Variants in EIF2B5 observed in about 807,000 individuals in gnomAD.
EIF2B5 encodes the protein eukaryotic translation initiation factor 2B subunit epsilon, also known as translation initiation factor eIF2B subunit epsilon.
Under a neutral mutation model 87.3 loss-of-function variants are expected in EIF2B5, and 38 were observed. The ratio of observed to expected loss-of-function variants is 0.44; its 90% CI spans 0.34 to 0.57. EIF2B5 has a LOEUF of 0.57. Among genes scored for constraint, EIF2B5 ranks in the 20% least tolerant of loss-of-function variants. The pLI, the probability that EIF2B5 is intolerant of heterozygous loss-of-function variation, is 0.02. For missense variants in EIF2B5, 784 were observed against 909.5 expected (o/e 0.86, Z 1.78); for synonymous variants, 313 against 339.6 (o/e 0.92, Z 0.86).
Position 184,137,815 on chromosome 3 carries a change from G to C in EIF2B5, c.506+10G>C. The stretch of plus-strand genomic sequence containing the variant: ...CCCTTGAGGAACACAGGTCAGGATG[G>C]GAAAATGACAGGAACAAGGGTTAAA... On this transcript the variant is annotated intron_variant, in intron 3 of 15. Coordinates refer to ENST00000648915, the MANE Select transcript of EIF2B5 (RefSeq NM_003907.3). The C allele has an allele frequency of 6.2e-7, 1 of 1,614,148 alleles. No homozygotes were observed.
Position 184,137,974 on chromosome 3 carries a change from C to T in EIF2B5, c.583C>T (p.Arg195Cys), listed in dbSNP as rs113994055. Residue 195 changes from arginine (R) to cysteine (C), a missense_variant, in exon 4 of 16, where the codon CGT (arginine) becomes TGT (cysteine). Arg to Cys is a radical substitution (Grantham distance 180). Transcript: ENST00000648915. ...GGAGTCATCCCCCAGCCACCCAACTCGTTGCCACGAAGACAATGTGGTAGT... is the reference window on the plus strand; with the variant it reads ...GGAGTCATCCCCCAGCCACCCAACTTGTTGCCACGAAGACAATGTGGTAGT... ...FKESSPSHPT[R>C]CHEDNVVVAV... The T allele has an allele frequency of 5.0e-6, 8 of 1,614,090 alleles. No homozygotes were observed. Among genetic ancestry groups the T allele is most frequent in the East Asian group, 4.5e-5 (2 of 44,892 alleles).
rs1439602258 is a variant in EIF2B5, at chr3:184,135,554, T to C, written c.169T>C (p.Phe57Leu). ...LVADSFDRRF[F>L]PISKDQPRVL... ...GGCCGATAGCTTCGATCGCCGCTTC[T>C]TCCCCATCTCCAAGGACCAGCCTCG... The change falls in exon 1 of 16, where the codon TTC becomes CTC. Residue 57 changes from phenylalanine (F) to leucine (L), a missense_variant. Coordinates refer to ENST00000648915, the MANE Select transcript of EIF2B5 (RefSeq NM_003907.3). The C allele has an allele frequency of 6.3e-7, 1 of 1,591,126 alleles. No individual in the cohort carries two copies.
Position 184,142,306 on chromosome 3 carries a change from G to A in EIF2B5, c.1372G>A (p.Glu458Lys). 6.2e-7 allele frequency: 1 copy of A among 1,614,150 alleles called. No homozygotes were observed. The highest frequency in any genetic ancestry group is 8.5e-7 in the Non-Finnish European group (1 of 1,180,026). The change falls in exon 9 of 16, where the codon GAA becomes AAA. Residue 458 changes from glutamate to lysine, a missense_variant. Around this residue, in one of 3 missense-constraint regions of EIF2B5, gnomAD observed 660 missense variants for 789.5 expected, o/e 0.84. Coordinates refer to ENST00000648915, the MANE Select transcript of EIF2B5 (RefSeq NM_003907.3). The surrounding 1 kb of genome is among the most constrained non-coding windows in gnomAD (Gnocchi z 5.0). ...VISLHPPDAE[E>K]DEDDGEFSDD... The stretch of plus-strand genomic sequence containing the variant: ...CTCTTTGCACCCTCCAGATGCAGAG[G>A]AAGATGAAGATGATGGCGAGTTCAG...
In EIF2B5 at chr3:184,140,445, G is replaced by A. The variant is rs781216603; in HGVS notation, c.871G>A (p.Val291Ile). 7.4e-6 allele frequency: 12 copies of A among 1,614,018 alleles called. No homozygotes were observed. The highest frequency in any genetic ancestry group is 1.6e-4 in the Middle Eastern group (1 of 6,062). ...EILGNQIHMH[V>I]TAKEYGARVS... Reference sequence around the variant, plus strand: ...CCTAGGGAACCAGATCCACATGCACGTAACAGCTAAGGAATATGGTGCCCG... The same window carrying A: ...CCTAGGGAACCAGATCCACATGCACATAACAGCTAAGGAATATGGTGCCCG... The change falls in exon 7 of 16, where the codon GTA becomes ATA. Residue 291 changes from valine to isoleucine, a missense_variant. Physicochemically the swap from Val to Ile is conservative, Grantham distance 29 (BLOSUM62 3). Coordinates refer to ENST00000648915, the MANE Select transcript of EIF2B5 (RefSeq NM_003907.3).
In EIF2B5 at chr3:184,140,073, TC is replaced by T; in HGVS notation, c.766-5del. ...TAATTCTAGCCCACTCCACTTCCCT[TC>T]CACAGGTGGCACAACTCTTTACAGA... On this transcript the variant is annotated splice_region_variant and splice_polypyrimidine_tract_variant and intron_variant, in intron 5 of 15. Coordinates refer to ENST00000648915, the MANE Select transcript of EIF2B5 (RefSeq NM_003907.3). 1 of 1,611,536 alleles carries T rather than the reference TC, an allele frequency of 6.2e-7. No individual in the cohort carries two copies.
At position 184,141,971 on chromosome 3, in the gene EIF2B5, A is replaced by G. The variant is rs765211115; in HGVS notation, c.1203A>G (p.Arg401=). ...AGACCTACCTGTGGCAGGGTGTTCG[A>G]GTGGCGGCTGGAGCACAGATCCATC... The part of the protein sequence containing the change: ...LDQTYLWQGV[R]VAAGAQIHQS... The change falls in exon 8 of 16, where the codon CGA becomes CGG. Residue 401 remains arginine, a synonymous_variant. Transcript: ENST00000648915. 7.4e-6 allele frequency: 12 copies of G among 1,613,958 alleles called. No individual in the cohort carries two copies. The highest frequency in any genetic ancestry group is 1.0e-5 in the Non-Finnish European group (12 of 1,180,024).
intron 1 of EIF2B5, chr3:184,135,929 G>T (rs1482849152): frequency 2.9e-6 from 1 of 347,680 alleles, no homozygotes; most frequent in Non-Finnish European, 5.3e-6. Context: ...GAAAAGAAAC[G>T]ACCTTTTGCC....
At chr3:184,141,156 A>C (rs977542894) in intron 7 of EIF2B5, among the ~76,000 whole-genome samples, 5 of 152,220 alleles carry the variant, frequency 3.3e-5, no homozygotes, top group African/African-American at 9.6e-5. Context: ...TCTGAATGTA[A>C]GTCCAGTGTT....
Position 184,143,931 on chromosome 3 carries a change from T to C in EIF2B5, c.1870-168T>C. The C allele has an allele frequency of 2.8e-6, 3 of 1,068,852 alleles. No homozygotes were observed. The Admixed American group carries it at 5.4e-5, about 19-fold the overall frequency. 66.2% of individuals were successfully genotyped at this position (1,068,852 alleles called of 1,614,324 possible). On this transcript the variant is annotated intron_variant, in intron 13 of 15. Coordinates refer to ENST00000648915, the MANE Select transcript of EIF2B5 (RefSeq NM_003907.3). ...CCCCTTTCACCTTCCCTAAGGAATC[T>C]CTTTTTCCCAAACCCTGTCAACAAC...
intron 7 of EIF2B5, 117 bp from the exon 8 acceptor site, chr3:184,141,807 TG>T: frequency 7.6e-7 from 1 of 1,319,556 alleles, no homozygotes; most frequent in Non-Finnish European, 1.1e-6. Context: ...ACTTGCGGGA[TG>T]GGGAATGAGA....
chr3:184,143,261 G>A (rs376938630), intron 12 of EIF2B5, 119 bp downstream of exon 12: 3 of 1,458,764 alleles, frequency 2.1e-6, no homozygotes, highest in African/African-American at 2.8e-5. Context: ...GGAAAGACCA[G>A]TAGTATTTGG....
At position 184,142,083 on chromosome 3, in the gene EIF2B5, C is replaced by G; in HGVS notation, c.1302+13C>G. The G allele has an allele frequency of 6.2e-7, 1 of 1,614,146 alleles. No individual in the cohort carries two copies. Among genetic ancestry groups the G allele is most frequent in the Non-Finnish European group, 8.5e-7 (1 of 1,180,054 alleles). Reference sequence around the variant, plus strand: ...CCTCACTTCCCAGGTGAGACCTGATCTATACTGTGCACAGGCCCTGAATTG... The same window carrying G: ...CCTCACTTCCCAGGTGAGACCTGATGTATACTGTGCACAGGCCCTGAATTG... On this transcript the variant is annotated intron_variant, in intron 8 of 15. Coordinates refer to ENST00000648915, the MANE Select transcript of EIF2B5 (RefSeq NM_003907.3). This position sits in a 1 kb window ranked among gnomAD's most constrained non-coding sequence, Gnocchi z 5.0.
At position 184,143,526 on chromosome 3, in the gene EIF2B5, C is replaced by T. The variant is rs1455535271; in HGVS notation, c.1830C>T (p.Ser610=). Residue 610 remains serine (S), a synonymous_variant, in exon 13 of 16, where the codon TCC becomes TCT. Transcript: ENST00000648915. The part of the protein sequence containing the change: ...VLEFPLQQMD[S]PLDSSRYCAL... ...AGTTCCCCCTGCAACAGATGGATTC[C>T]CCGCTTGACTCAAGCCGCTACTGTG... 3 of 1,614,066 alleles carry T rather than the reference C, an allele frequency of 1.9e-6. No individual in the cohort carries two copies. The East Asian group carries it at 6.7e-5, about 36-fold the overall frequency.
At position 184,140,521 on chromosome 3, in the gene EIF2B5, G is replaced by A. The variant is rs766187010; in HGVS notation, c.947G>A (p.Arg316Gln). 7 of 1,613,994 alleles carry A rather than the reference G, an allele frequency of 4.3e-6. No individual in the cohort carries two copies. The highest frequency in any genetic ancestry group is 1.1e-5 in the South Asian group (1 of 91,078). The change falls in exon 7 of 16, where the codon CGA becomes CAA. Residue 316 changes from arginine to glutamine, a missense_variant. Arg to Gln is a conservative substitution (Grantham distance 43, BLOSUM62 1). This residue lies in a region of EIF2B5 where 660 missense variants were observed against 789.5 expected (regional missense o/e 0.84). Coordinates refer to ENST00000648915, the MANE Select transcript of EIF2B5 (RefSeq NM_003907.3). ...YSAVCADVIR[R>Q]WVYPLTPEAN... ...GCTGTCTGTGCTGACGTCATCCGCC[G>A]ATGGGTCTACCCTCTCACCCCAGAG...
chr3:184,140,832 TG>T, intron 7 of EIF2B5, 102 bp downstream of exon 7: 1 of 1,359,696 alleles, frequency 7.4e-7, no homozygotes, highest in Non-Finnish European at 1.0e-6. Context: ...GGACAGTCCC[TG>T]GGAATAAGGA....
rs1713705442 is a variant in EIF2B5 at position 184,142,899 on chromosome 3, G to A, written c.1654+13G>A. ...GATGACATCAAAGGTGAGTGGCAGG[G>A]GAGAAATGCGCTGGACCAGTTTATT... On this transcript the variant is annotated intron_variant, in intron 11 of 15. Coordinates refer to ENST00000648915, the MANE Select transcript of EIF2B5 (RefSeq NM_003907.3). This position sits in a 1 kb window ranked among gnomAD's most constrained non-coding sequence, Gnocchi z 5.0. 6.2e-7 allele frequency: 1 copy of A among 1,608,050 alleles called. No individual in the cohort carries two copies. The highest frequency in any genetic ancestry group is 1.1e-5 in the South Asian group (1 of 90,284).
Position 184,140,663 on chromosome 3 carries a change from C to T in EIF2B5, c.1089C>T (p.Gly363=), listed in dbSNP as rs750462172. The change falls in exon 7 of 16, where the codon GGC becomes GGT. Residue 363 remains glycine, a synonymous_variant. Coordinates refer to ENST00000648915, the MANE Select transcript of EIF2B5 (RefSeq NM_003907.3). ...GSILEENVLL[G]SGTVIGSNCF... is the part of the protein sequence containing the mutation. ...TCCTAGAGGAAAATGTGCTCCTGGG[C>T]TCTGGCACTGTCATTGGCAGCAATT... The T allele has an allele frequency of 1.2e-6, 2 of 1,614,194 alleles. No homozygotes were observed. Among genetic ancestry groups the T allele is most frequent in the Non-Finnish European group, 1.7e-6 (2 of 1,180,034 alleles).
At chr3:184,138,805 C>A (rs1214066081) in intron 5 of EIF2B5, 2 of 257,900 alleles carry the variant, frequency 7.8e-6, no homozygotes, top group African/African-American at 2.4e-5. Context: ...GTAGATGGAA[C>A]CACAGGCATG....
At chr3:184,135,837 G>A (rs1438472700) in intron 1 of EIF2B5, 1 of 575,664 alleles carries the variant, frequency 1.7e-6, no homozygotes, top group Admixed American at 3.2e-5. Context: ...AACAGCGCTT[G>A]AGAGAAGCCT....
Sources: gnomAD v4.1 joint callset for allele counts (sites outside exome capture counted in the v4.1 genomes callset) on GRCh38, gnomAD v4.1.1 for gene constraint, gnomAD v4.1.1 regional missense constraint, Gnocchi (gnomAD v3.1) non-coding constraint, MANE v1.5 for transcripts, NCBI Gene and HGNC (gene_info 2026-07-23, HGNC 2026-07-21) for gene names.